PAXIP1: variants seen among roughly 807,000 people sequenced by gnomAD.
PAXIP1 encodes PAX interacting protein 1, also known as PAX-interacting protein 1.
PAXIP1 carries 19 observed loss-of-function variants against 140.6 expected under a neutral mutation model. The observed-to-expected ratio is 0.14, with a 90% CI of 0.09 to 0.20. PAXIP1 has a LOEUF of 0.20. PAXIP1 is among the 10% of genes least tolerant of loss of function. PAXIP1 has a pLI of 1.00. For synonymous variants in PAXIP1, 442 were observed against 444.6 expected (o/e 0.99, Z 0.07); for missense variants, 920 against 1,208.6 (o/e 0.76, Z 3.54).
At chr7:154,996,598 C>A (rs553891998) in intron 2 of PAXIP1, among the ~76,000 whole-genome samples, 1 of 152,308 alleles carries the variant, frequency 6.6e-6, no homozygotes, top group East Asian at 1.9e-4. Flanking sequence ...CTCACAGCGG[C>A]GACCCCACTT....
chr7:154,950,829 G>A (rs1009341638), intron 16 of PAXIP1: 1 of 152,250 alleles, frequency 6.6e-6, no homozygotes, highest in Admixed American at 6.5e-5. Context: ...GAAAAGACAT[G>A]GAGGAAGCTG....
chr7:154,997,086 A>G (rs966697755), intron 2 of PAXIP1, among the ~76,000 whole-genome samples: 1 of 152,212 alleles, frequency 6.6e-6, no homozygotes, highest in Non-Finnish European at 1.5e-5. Context: ...CAAGCCAGAG[A>G]CAAAAACATG....
chr7:154,944,063 A>G lies in PAXIP1; in HGVS notation c.*86T>C. ...AGGAAAGCAGCTGGAAAACAAGAGC[A>G]TGTGAAGGAAGCGCAGCAGCTCCTC... On this transcript the variant is annotated 3_prime_UTR_variant, in exon 21 of 21. Transcript: ENST00000404141. 8.0e-7 allele frequency: 1 copy of G among 1,248,952 alleles called. No individual in the cohort carries two copies. Among genetic ancestry groups the G allele is most frequent in the South Asian group, 1.2e-5 (1 of 80,636 alleles). The allele number at this position is 1,248,952 out of a possible 1,614,324, so 77.4% of individuals were successfully genotyped here. A position where few individuals can be genotyped will look rare whatever the true frequency, so the allele number is the denominator to read the frequency against.
rs759024488 is a variant in PAXIP1, at chr7:154,986,027, A to C, written c.325-2695T>G. 3.7e-6 allele frequency: 5 copies of C among 1,365,764 alleles called. No homozygotes were observed. The highest frequency in any genetic ancestry group is 4.9e-6 in the Non-Finnish European group (5 of 1,021,586). The allele number at this position is 1,365,764 out of a possible 1,614,324, so 84.6% of individuals were successfully genotyped here. A position where few individuals can be genotyped will look rare whatever the true frequency, so the allele number is the denominator to read the frequency against. On this transcript the variant is annotated intron_variant, in intron 4 of 20. Coordinates refer to ENST00000404141, the MANE Select transcript of PAXIP1 (RefSeq NM_007349.4). The surrounding 1 kb of genome is among the most constrained non-coding windows in gnomAD (Gnocchi z 4.8). ...TTCCCCAAAACCTACCCAGCACATT[A>C]CAACAGAGGCCTCAGCCTGCATCAA...
chr7:154,948,052 G>T, intron 16 of PAXIP1, 49 bp from the exon 17 acceptor site: 1 of 1,287,312 alleles, frequency 7.8e-7, no homozygotes, highest in Non-Finnish European at 1.1e-6. Context: ...CACGTGAAGT[G>T]TGGCAAGTGT....
chr7:154,982,848 T>TA (rs1243215240), intron 5 of PAXIP1, among the ~76,000 whole-genome samples: 1 of 152,186 alleles, frequency 6.6e-6, no homozygotes, highest in African/African-American at 2.4e-5. Context: ...CACACGTTTA[T>TA]AATTATACCT....
At position 154,955,553 on chromosome 7, in the gene PAXIP1, A is replaced by G; in HGVS notation, c.2628T>C (p.Pro876=). The G allele has an allele frequency of 6.2e-7, 1 of 1,609,874 alleles. No individual in the cohort carries two copies. Among genetic ancestry groups the G allele is most frequent in the Non-Finnish European group, 8.5e-7 (1 of 1,177,846 alleles). The change falls in exon 15 of 21, where the codon CCT becomes CCC. Residue 876 remains proline (P), a synonymous_variant. Coordinates refer to ENST00000404141, the MANE Select transcript of PAXIP1 (RefSeq NM_007349.4). ...CCTTAATATACTGTTGAACCTGGAC[A>G]GGCTCGAATCCAGTGAAAAGCACAA... is the stretch of plus-strand genomic sequence containing the variant. ...TPFVLFTGFE[P]VQVQQYIKKL... is the part of the protein sequence containing the mutation.
At chr7:154,957,863 A>C (rs1808592071) in intron 13 of PAXIP1, among the ~76,000 whole-genome samples, 1 of 149,052 alleles carries the variant, frequency 6.7e-6, no homozygotes, top group Non-Finnish European at 1.5e-5. Context: ...GCTACTCGGG[A>C]GGCTGAGGCA....
intron 5 of PAXIP1, among the ~76,000 whole-genome samples, chr7:154,978,210 T>G (rs1809689580): frequency 6.6e-6 from 1 of 152,232 alleles, no homozygotes. Flanking sequence ...TTTTACAGTT[T>G]CCTCTTCGGT....
chr7:154,988,574 C>A (rs1810180497), intron 4 of PAXIP1, among the ~76,000 whole-genome samples: 2 of 152,142 alleles, frequency 1.3e-5, no homozygotes, highest in Non-Finnish European at 2.9e-5. Flanking sequence ...TCATTTGAAA[C>A]CCTATAATCA....
chr7:155,002,729 G>T (rs989981412), intron 1 of PAXIP1, 120 bp downstream of exon 1: 4 of 464,582 alleles, frequency 8.6e-6, no homozygotes, highest in Admixed American at 5.5e-5. Context: ...CAGCGGCCTC[G>T]GCGGACCCGA....
rs1393476034 is a variant in PAXIP1 at position 154,946,132 on chromosome 7, CCTTT to C, written c.3194+229_3194+232del. 8 of 975,308 alleles carry C rather than the reference CCTTT, an allele frequency of 8.2e-6. No individual in the cohort carries two copies. The highest frequency in any genetic ancestry group is 1.8e-5 in the African/African-American group (1 of 57,006). The allele number at this position is 975,308 out of a possible 1,614,324, so 60.4% of individuals were successfully genotyped here. A position where few individuals can be genotyped will look rare whatever the true frequency, so the allele number is the denominator to read the frequency against. On this transcript the variant is annotated intron_variant, in intron 20 of 20. Transcript: ENST00000404141. The surrounding 1 kb of genome is among the most constrained non-coding windows in gnomAD (Gnocchi z 4.9). Reference sequence around the variant, plus strand: ...CCTCCATAAACTAGACAGTATAGATCCTTTCTAATTAACATCACCTATTAAAACT... The same window carrying C: ...CCTCCATAAACTAGACAGTATAGATCCTAATTAACATCACCTATTAAAACT...
intron 1 of PAXIP1, 42 bp from the exon 2 acceptor site, chr7:154,998,826 C>A: frequency 6.5e-7 from 1 of 1,536,642 alleles, no homozygotes; most frequent in Non-Finnish European, 8.9e-7. Context: ...ATGGGCAATA[C>A]TGTACTGTAC....
intron 4 of PAXIP1, among the ~76,000 whole-genome samples, chr7:154,989,960 T>C (rs1280646250): frequency 1.3e-5 from 2 of 152,192 alleles, no homozygotes; most frequent in African/African-American, 2.4e-5. Context: ...TTTACCATCT[T>C]ATAAATAATG....
chr7:154,982,656 G>A (rs1809895969), intron 5 of PAXIP1, among the ~76,000 whole-genome samples: 1 of 152,138 alleles, frequency 6.6e-6, no homozygotes, highest in Non-Finnish European at 1.5e-5. Context: ...TGGCCAACAG[G>A]CTGCATTTCT....
rs1161867581 is a variant in PAXIP1 at position 154,989,107 on chromosome 7, G to C, written c.324+1899C>G. On this transcript the variant is annotated intron_variant, in intron 4 of 20. Transcript: ENST00000404141. ...AAAGAGAAAAAAATAAGCCAATTTT[G>C]CTACTTGAAGGATCTCCATCAAATT... Among the ~76,000 whole-genome samples, 8 of 152,152 alleles carry C rather than the reference G, an allele frequency of 5.3e-5. No individual in the cohort carries two copies. The East Asian group carries it at 1.5e-3, about 29-fold the overall frequency.
chr7:154,992,318 GT>G (rs1330617487), intron 3 of PAXIP1, among the ~76,000 whole-genome samples: 1 of 152,228 alleles, frequency 6.6e-6, no homozygotes, highest in African/African-American at 2.4e-5. Context: ...GGAGGCCGAG[GT>G]GGGTGGACCA....
Position 154,943,783 on chromosome 7 carries a change from A to C in PAXIP1, c.*366T>G, listed in dbSNP as rs1348595852. ...AATAAAAATAATCAAAGTACAAAAC[A>C]TTTCAAATCTTTAACATCCATAATT... On this transcript the variant is annotated 3_prime_UTR_variant, in exon 21 of 21. Coordinates refer to ENST00000404141, the MANE Select transcript of PAXIP1 (RefSeq NM_007349.4). 4.7e-6 allele frequency: 1 copy of C among 211,818 alleles called. No individual in the cohort carries two copies. Among genetic ancestry groups the C allele is most frequent in the African/African-American group, 2.3e-5 (1 of 43,182 alleles). 13.1% of individuals were successfully genotyped at this position (211,818 alleles called of 1,614,324 possible).
intron 11 of PAXIP1, 46 bp downstream of exon 11, chr7:154,961,481 T>G (rs772782290): frequency 3.4e-6 from 5 of 1,486,268 alleles, no homozygotes; most frequent in Non-Finnish European, 4.6e-6. Context: ...AGCCACTATA[T>G]TGTGTGTAAA....
Sources: gnomAD v4.1 joint callset for allele counts (sites outside exome capture counted in the v4.1 genomes callset) on GRCh38, gnomAD v4.1.1 for gene constraint, Gnocchi (gnomAD v3.1) non-coding constraint, MANE v1.5 for transcripts, NCBI Gene and HGNC (gene_info 2026-07-23, HGNC 2026-07-21) for gene names.